The following DLGAP2 variants were observed in gnomAD, a reference collection of about 807,000 sequenced individuals.
The protein encoded by DLGAP2 is DLG associated protein 2, also known as disks large-associated protein 2.
In DLGAP2, 26 loss-of-function variants were observed where a neutral mutation model predicts 100.3. The observed-to-expected ratio is 0.26, with a 90% CI of 0.19 to 0.36. The LOEUF is 0.36. Ranked by LOEUF, DLGAP2 falls within the 10% of genes least tolerant of loss-of-function variation. DLGAP2 has a pLI of 1.00. For missense variants in DLGAP2, 1,858 were observed against 1,453.2 expected, an observed-to-expected ratio of 1.28 and a Z score of -4.53; for synonymous variants, 886 against 630.1, an observed-to-expected ratio of 1.41 and a Z score of -6.08.
intron 3 of DLGAP2, among the ~76,000 whole-genome samples, chr8:1,296,825 C>A (rs544646795): frequency 2.8e-3 from 420 of 152,290 alleles, no homozygotes; most frequent in Non-Finnish European, 5.2e-3. Flanking sequence ...CGGAGCGGCC[C>A]CCGAACCACA....
intron 3 of DLGAP2, among the ~76,000 whole-genome samples, chr8:1,323,061 C>T (rs543982030): frequency 3.3e-5 from 5 of 149,910 alleles, no homozygotes; most frequent in Non-Finnish European, 4.4e-5. Context: ...GACAGAGTCT[C>T]GCTCTGTTAC....
At chr8:1,186,773 C>T (rs77919171) in intron 2 of DLGAP2, among the ~76,000 whole-genome samples, 12,513 of 152,134 alleles carry the variant, frequency 0.082, 605 homozygotes, top group South Asian at 0.15. Flanking sequence ...GGAGCTTGGA[C>T]GTGTCTGGAG....
chr8:1,189,128 C>CT (rs1797580597), intron 2 of DLGAP2, among the ~76,000 whole-genome samples: 1 of 138,126 alleles, frequency 7.2e-6, no homozygotes, highest in African/African-American at 3.4e-5. Context: ...GGCCCCATGG[C>CT]GGTTCCGCTG....
intron 2 of DLGAP2, among the ~76,000 whole-genome samples, chr8:1,108,444 G>A (rs1445311307): frequency 6.6e-6 from 1 of 152,236 alleles, no homozygotes; most frequent in African/African-American, 2.4e-5. Context: ...AGATGTGAGT[G>A]AGTGCACGTG....
In DLGAP2 at chr8:1,227,153, G is replaced by GATATATATATATATACT. The variant is rs1554506452; in HGVS notation, c.74-31683_74-31682insCTATATATATATATATA. Among the ~76,000 whole-genome samples the GATATATATATATATACT allele has an allele frequency of 1.7e-3, 152 of 89,412 alleles. 7 individuals carry two copies. The highest frequency in any genetic ancestry group is 9.2e-3 in the African/African-American group (139 of 15,070). The allele number at this position is 89,412 out of a possible 152,430, so 58.7% of individuals were successfully genotyped here. A position where few individuals can be genotyped will look rare whatever the true frequency, so the allele number is the denominator to read the frequency against. On this transcript the variant is annotated intron_variant, in intron 2 of 14. Transcript: ENST00000637795. ...AAATGAATGGGTAAGGAAACTGTGA[G>GATATATATATATATACT]ATATATATATATATATATATAGTAT... is the stretch of plus-strand genomic sequence containing the variant.
intron 2 of DLGAP2, among the ~76,000 whole-genome samples, chr8:1,106,503 T>C (rs544505418): frequency 6.6e-6 from 1 of 150,704 alleles, no homozygotes; most frequent in East Asian, 2.0e-4. Context: ...GGTTTTCTAC[T>C]GAAGGAGGCC....
intron 4 of DLGAP2, among the ~76,000 whole-genome samples, chr8:1,516,553 G>C (rs1352248555): frequency 6.6e-6 from 1 of 151,966 alleles, no homozygotes; most frequent in Non-Finnish European, 1.5e-5. Flanking sequence ...ATGAATGAGT[G>C]AGTGAATGAG....
chr8:1,632,069 G>T (rs1183253947), intron 7 of DLGAP2, among the ~76,000 whole-genome samples: 1 of 151,984 alleles, frequency 6.6e-6, no homozygotes, highest in Non-Finnish European at 1.5e-5. Context: ...AATGGGAGGG[G>T]GTGAGGGGAG....
At chr8:1,346,907 G>C (rs1451400177) in intron 3 of DLGAP2, among the ~76,000 whole-genome samples, 19 of 151,654 alleles carry the variant, frequency 1.3e-4, no homozygotes, top group Non-Finnish European at 1.5e-5. Flanking sequence ...TAGCTGTGTG[G>C]AGGTTGAGTT....
At position 1,417,679 on chromosome 8, in the gene DLGAP2, A is replaced by G. The variant is rs1173228010; in HGVS notation, c.107-83687A>G. Among the ~76,000 whole-genome samples the G allele has an allele frequency of 2.7e-4, 35 of 130,478 alleles. 3 individuals are homozygous for G. Among genetic ancestry groups the G allele is most frequent in the African/African-American group, 8.3e-4 (32 of 38,484 alleles). The allele number at this position is 130,478 out of a possible 152,430, so 85.6% of individuals were successfully genotyped here. A position where few individuals can be genotyped will look rare whatever the true frequency, so the allele number is the denominator to read the frequency against. ...CTCCTGCCTCACTCCGCGAGGCTCC[A>G]GGGGGGCACAGGGGGCCCCACTCCT... On this transcript the variant is annotated intron_variant, in intron 3 of 14. Coordinates refer to ENST00000637795, the MANE Select transcript of DLGAP2 (RefSeq NM_001346810.2).
intron 3 of DLGAP2, among the ~76,000 whole-genome samples, chr8:1,391,740 G>A (rs553211313): frequency 2.6e-5 from 4 of 152,342 alleles, no homozygotes; most frequent in Middle Eastern, 3.4e-3. Context: ...TCACTTTGGT[G>A]CAAATAATTT....
rs1554494612 is a variant in DLGAP2, at chr8:1,164,156, G to GT, written c.74-94695_74-94694insT. 5.2e-3 allele frequency among the ~76,000 whole-genome samples: 62 copies of GT among 11,956 alleles called. 8 individuals carry two copies. Among genetic ancestry groups the GT allele is most frequent in the East Asian group, 0.03 (18 of 600 alleles). The allele number at this position is 11,956 out of a possible 152,430, so 7.8% of individuals were successfully genotyped here. On this transcript the variant is annotated intron_variant, in intron 2 of 14. Transcript: ENST00000637795. The stretch of plus-strand genomic sequence containing the variant: ...TTGGTTTGTGGGGATTTTTCTGTGA[G>GT]CCCCCCAGGGCCCGTCATTTTGGTT...
chr8:911,249 G>T (rs907523624), intron 2 of DLGAP2, among the ~76,000 whole-genome samples: 4 of 152,294 alleles, frequency 2.6e-5, no homozygotes, highest in Middle Eastern at 3.4e-3. Context: ...TTCCATTATG[G>T]ATTCTGTTTC....
chr8:1,093,774 C>G (rs1804272593), intron 2 of DLGAP2, among the ~76,000 whole-genome samples: 2 of 152,280 alleles, frequency 1.3e-5, no homozygotes, highest in Admixed American at 1.3e-4. Flanking sequence ...CCATGGCCCA[C>G]CAGGTGAATA....
Position 1,706,993 on chromosome 8 carries a change from TTAAAA to T in DLGAP2, c.*5592_*5596del, listed in dbSNP as rs774830712. 1 of 152,656 alleles carries T rather than the reference TTAAAA, an allele frequency of 6.6e-6. No individual in the cohort carries two copies. Among genetic ancestry groups the T allele is most frequent in the Admixed American group, 6.5e-5 (1 of 15,286 alleles). 9.5% of individuals were successfully genotyped at this position (152,656 alleles called of 1,614,324 possible). On this transcript the variant is annotated 3_prime_UTR_variant, in exon 15 of 15. Coordinates refer to ENST00000637795, the MANE Select transcript of DLGAP2 (RefSeq NM_001346810.2). ...CTAACCCTGGCGTTTTTATCCAGTG[TTAAAA>T]TAAATTATTTCAAGTTTCAATGTAA...
At chr8:1,114,568 A>G (rs1192247330) in intron 2 of DLGAP2, among the ~76,000 whole-genome samples, 1 of 151,398 alleles carries the variant, frequency 6.6e-6, no homozygotes, top group Non-Finnish European at 1.5e-5. Flanking sequence ...TTCTAATTGT[A>G]TTTATTTGGG....
At chr8:1,506,625 C>T (rs935552395) in intron 4 of DLGAP2, among the ~76,000 whole-genome samples, 1 of 152,210 alleles carries the variant, frequency 6.6e-6, no homozygotes, top group African/African-American at 2.4e-5. Context: ...AGTGCCGGCT[C>T]AGGCAGACTG....
At chr8:1,208,238 T>C (rs1325870849) in intron 2 of DLGAP2, among the ~76,000 whole-genome samples, 1 of 152,218 alleles carries the variant, frequency 6.6e-6, no homozygotes, top group East Asian at 1.9e-4. Flanking sequence ...TTGATTCTTG[T>C]ATAAGGTGAG....
At chr8:1,049,578 A>G (rs1478848617) in intron 2 of DLGAP2, among the ~76,000 whole-genome samples, 1 of 152,192 alleles carries the variant, frequency 6.6e-6, no homozygotes, top group Admixed American at 6.5e-5. Flanking sequence ...AAAAGAAAAT[A>G]TTCAGTTATT....
Sources: allele counts gnomAD v4.1 joint callset (sites outside exome capture counted in the v4.1 genomes callset), GRCh38; gene constraint gnomAD v4.1.1; transcripts MANE v1.5; gene names NCBI Gene and HGNC (gene_info 2026-07-23, HGNC 2026-07-21).